AGBL1: variants seen among roughly 807,000 people sequenced by gnomAD.
The protein encoded by AGBL1 is cytosolic carboxypeptidase 4.
Under a neutral mutation model 118.9 loss-of-function variants are expected in AGBL1, and 130 were observed. That is an observed-to-expected ratio of 1.09 (90% confidence interval 0.95 to 1.26). The LOEUF (loss-of-function observed/expected upper bound fraction) is 1.26. Among genes scored for constraint, AGBL1 ranks in the 50% most tolerant of loss-of-function variants. The pLI, the probability that AGBL1 is intolerant of heterozygous loss-of-function variation, is 0.00. For missense variants in AGBL1, 1,584 were observed against 1,298.1 expected (o/e 1.22, Z -3.38); for synonymous variants, 555 against 478.9 (o/e 1.16, Z -2.08).
At chr15:86,997,905 ACAC>A (rs2081394855) in intron 24 of AGBL1, among the ~76,000 whole-genome samples, 2 of 131,962 alleles carry the variant, frequency 1.5e-5, no homozygotes, top group East Asian at 4.0e-4. Context: ...ACACACACAC[ACAC>A]ACACACACAC....
At chr15:86,386,995 T>C (rs1380488680) in intron 17 of AGBL1, among the ~76,000 whole-genome samples, 2 of 152,186 alleles carry the variant, frequency 1.3e-5, no homozygotes, top group Non-Finnish European at 2.9e-5. Flanking sequence ...ATTGCACCTA[T>C]CTACTCAGCA....
intron 22 of AGBL1, among the ~76,000 whole-genome samples, chr15:86,698,450 C>G (rs924807051): frequency 1.3e-5 from 2 of 152,038 alleles, no homozygotes; most frequent in Non-Finnish European, 2.9e-5. Context: ...TTTCCACGTT[C>G]TTTCCCTTCC....
chr15:86,100,843 A>G (rs746584995), intron 1 of AGBL1, among the ~76,000 whole-genome samples: 8 of 151,894 alleles, frequency 5.3e-5, no homozygotes, highest in Non-Finnish European at 8.8e-5. Context: ...GACCCTTAGT[A>G]TTATTTTTTA....
chr15:86,505,078 A>G (rs1389509453), intron 18 of AGBL1, among the ~76,000 whole-genome samples: 2 of 151,742 alleles, frequency 1.3e-5, no homozygotes, highest in South Asian at 2.1e-4. Context: ...TGAGTATATC[A>G]TCTCACTGAC....
intron 5 of AGBL1, among the ~76,000 whole-genome samples, chr15:86,165,897 C>G (rs2077334824): frequency 6.6e-6 from 1 of 152,152 alleles, no homozygotes; most frequent in Non-Finnish European, 1.5e-5. Flanking sequence ...GACTCCAAGC[C>G]TGTAGCTGAT....
intron 21 of AGBL1, among the ~76,000 whole-genome samples, chr15:86,573,412 G>C (rs1420728775): frequency 6.6e-6 from 1 of 152,226 alleles, no homozygotes; most frequent in Non-Finnish European, 1.5e-5. Flanking sequence ...GGTGCCATAA[G>C]AGAACACAGA....
At chr15:86,231,204 G>C (rs1185098943) in intron 6 of AGBL1, among the ~76,000 whole-genome samples, 1 of 152,102 alleles carries the variant, frequency 6.6e-6, no homozygotes, top group Non-Finnish European at 1.5e-5. Flanking sequence ...AAAGGAACTG[G>C]GATTCTACTG....
intron 22 of AGBL1, among the ~76,000 whole-genome samples, chr15:86,769,564 A>G (rs975713730): frequency 6.6e-6 from 1 of 151,956 alleles, no homozygotes; most frequent in Non-Finnish European, 1.5e-5. Context: ...AAACCTTTCC[A>G]TTGTCCAGTT....
At chr15:86,380,598 C>G (rs957990873) in intron 17 of AGBL1, among the ~76,000 whole-genome samples, 2 of 141,122 alleles carry the variant, frequency 1.4e-5, no homozygotes, top group African/African-American at 5.5e-5. Flanking sequence ...ATGGCATATT[C>G]ATCCGTCTGT....
chr15:86,488,953 T>TA (rs1324185222), intron 18 of AGBL1, among the ~76,000 whole-genome samples: 1 of 152,162 alleles, frequency 6.6e-6, no homozygotes, highest in East Asian at 1.9e-4. Context: ...AGTCTGGCTT[T>TA]CAAGACTATC....
chr15:86,287,761 G>C (rs1387935866), intron 16 of AGBL1, among the ~76,000 whole-genome samples: 1 of 152,168 alleles, frequency 6.6e-6, no homozygotes, highest in Non-Finnish European at 1.5e-5. Context: ...GAAAGAGAGA[G>C]AGAGAGTGAG....
At chr15:86,226,793 G>T (rs925585190) in intron 6 of AGBL1, among the ~76,000 whole-genome samples, 2 of 152,112 alleles carry the variant, frequency 1.3e-5, no homozygotes, top group African/African-American at 4.8e-5. Flanking sequence ...TGCCTCCTCT[G>T]AAAATCCTTT....
chr15:86,928,033 T>G (rs2080563836), intron 23 of AGBL1, among the ~76,000 whole-genome samples: 1 of 152,148 alleles, frequency 6.6e-6, no homozygotes, highest in African/African-American at 2.4e-5. Flanking sequence ...AAGGAATGTC[T>G]GAGGAAATAG....
Position 87,000,115 on chromosome 15 carries a change from T to C in AGBL1, c.3323+12027T>C, listed in dbSNP as rs963662342. Among the ~76,000 whole-genome samples, 16 of 83,558 alleles carry C rather than the reference T, an allele frequency of 1.9e-4. 2 individuals carry two copies. In the East Asian group the frequency reaches 2.8e-3, roughly 15 times the overall value. 54.8% of individuals were successfully genotyped at this position (83,558 alleles called of 152,430 possible). ...TAAATTTGTTTGAGTTCATTGTAGA[T>C]TCTGGATATTAGCCCTTTGTCAGAT... On this transcript the variant is annotated intron_variant, in intron 24 of 24. Transcript: ENST00000441037.
At chr15:86,229,987 G>A (rs931595183) in intron 6 of AGBL1, among the ~76,000 whole-genome samples, 2 of 152,312 alleles carry the variant, frequency 1.3e-5, no homozygotes, top group African/African-American at 2.4e-5. Flanking sequence ...AGAAGTTGGG[G>A]CATGGGAACA....
At chr15:86,649,711 TC>T (rs67678766) in intron 21 of AGBL1, among the ~76,000 whole-genome samples, 12,774 of 148,792 alleles carry the variant, frequency 0.086, 563 homozygotes, top group African/African-American at 0.097. Context: ...GGGTTTTTTT[TC>T]TTTTTACATA....
intron 21 of AGBL1, chr15:86,631,244 A>T (rs2084959082): frequency 6.6e-6 from 1 of 152,210 alleles, no homozygotes; most frequent in African/African-American, 2.4e-5. Context: ...CCCTGGGAGA[A>T]TCTTACAGTT....
intron 21 of AGBL1, among the ~76,000 whole-genome samples, chr15:86,571,558 G>A (rs2084006414): frequency 1.3e-5 from 2 of 152,246 alleles, no homozygotes; most frequent in South Asian, 4.2e-4. Context: ...CAAAGAGGGT[G>A]GTTCCTCTCT....
chr15:86,631,295 C>T (rs1333450375), intron 21 of AGBL1, among the ~76,000 whole-genome samples: 1 of 149,982 alleles, frequency 6.7e-6, no homozygotes, highest in Admixed American at 6.6e-5. Context: ...TAGGGGGAGA[C>T]GTAGGTTTGG....
Sources: gnomAD v4.1 joint callset for allele counts (sites outside exome capture counted in the v4.1 genomes callset) on GRCh38, gnomAD v4.1.1 for gene constraint, MANE v1.5 for transcripts, NCBI Gene and HGNC (gene_info 2026-07-23, HGNC 2026-07-21) for gene names.